The following SLC25A18 variants were observed in gnomAD, a reference collection of about 807,000 sequenced individuals.
SLC25A18 encodes the protein solute carrier family 25 member 18.
A neutral mutation model predicts 31.1 loss-of-function variants in SLC25A18; 24 were observed. That is an observed-to-expected ratio of 0.77 (90% CI 0.56 to 1.08). The LOEUF (loss-of-function observed/expected upper bound fraction) is 1.08. Among genes scored for constraint, SLC25A18 ranks in the 50% least tolerant of loss-of-function variants. SLC25A18 has a pLI of 0.00. For synonymous variants in SLC25A18, 173 were observed against 161.9 expected (o/e 1.07, Z -0.52); for missense variants, 371 against 418.5 (o/e 0.89, Z 0.99).
At chr22:17,568,136 G>A (rs1338789915) in intron 1 of SLC25A18, among the ~76,000 whole-genome samples, 2 of 151,846 alleles carry the variant, frequency 1.3e-5, no homozygotes, top group Admixed American at 6.6e-5. Context: ...AGGCTGAGGC[G>A]GGCGGATCAC....
At chr22:17,577,062 A>C (rs376755944) in intron 2 of SLC25A18, among the ~76,000 whole-genome samples, 1 of 147,578 alleles carries the variant, frequency 6.8e-6, no homozygotes, top group Non-Finnish European at 1.5e-5. Context: ...TCACTGTGTC[A>C]CCCAGGCTGG....
In SLC25A18 at chr22:17,563,599, C is replaced by CGG; in HGVS notation, c.-376_-375dup. 2.3e-6 allele frequency: 2 copies of CGG among 882,088 alleles called. No homozygotes were observed. The highest frequency in any genetic ancestry group is 2.7e-6 in the Non-Finnish European group (2 of 735,554). 54.6% of individuals were successfully genotyped at this position (882,088 alleles called of 1,614,324 possible). A position where few individuals can be genotyped will look rare whatever the true frequency, so the allele number is the denominator to read the frequency against. On this transcript the variant is annotated 5_prime_UTR_variant, in exon 1 of 11. An upstream open reading frame in the 5' UTR loses its in-frame stop. Coordinates refer to ENST00000327451, the MANE Select transcript of SLC25A18 (RefSeq NM_031481.3). Reference sequence around the variant, plus strand: ...GAAGCCAGTTCCTTGGATATATCCACGGGCTTTGCTTTGAGAAGGAACTGA... The same window carrying CGG: ...GAAGCCAGTTCCTTGGATATATCCACGGGGGCTTTGCTTTGAGAAGGAACTGA...
rs190960342 is a variant in SLC25A18, at chr22:17,571,566, C to T, written c.-201+1580C>T. Among the ~76,000 whole-genome samples, 179 of 152,026 alleles carry T rather than the reference C, an allele frequency of 1.2e-3. 1 individual carries two copies. The highest frequency in any genetic ancestry group is 1.9e-3 in the South Asian group (9 of 4,810). On this transcript the variant is annotated intron_variant, in intron 2 of 10. Transcript: ENST00000327451. Reference sequence around the variant, plus strand: ...ATGTGGGCAGATCACTTGAGGCTGACGAGTTCAAGACCAGCCTGGACAACA... The same window carrying T: ...ATGTGGGCAGATCACTTGAGGCTGATGAGTTCAAGACCAGCCTGGACAACA...
Position 17,590,302 on chromosome 22 carries a change from G to A in SLC25A18, c.*66G>A. The stretch of plus-strand genomic sequence containing the variant: ...TCTAGCTGTTTCACTTAGCCTAGAG[G>A]GGGCAAGGGCAGGTGGGGCCACTCT... On this transcript the variant is annotated 3_prime_UTR_variant, in exon 11 of 11. Transcript: ENST00000327451. 6.2e-7 allele frequency: 1 copy of A among 1,603,254 alleles called. No homozygotes were observed. Among genetic ancestry groups the A allele is most frequent in the Non-Finnish European group, 8.5e-7 (1 of 1,173,300 alleles).
At chr22:17,570,619 G>A (rs1222762761) in intron 2 of SLC25A18, among the ~76,000 whole-genome samples, 1 of 152,152 alleles carries the variant, frequency 6.6e-6, no homozygotes, top group Non-Finnish European at 1.5e-5. Flanking sequence ...CGAGTAGCTG[G>A]GACTACAGGT....
At chr22:17,572,344 G>A (rs938771455) in intron 2 of SLC25A18, among the ~76,000 whole-genome samples, 1 of 151,518 alleles carries the variant, frequency 6.6e-6, no homozygotes, top group Non-Finnish European at 1.5e-5. Flanking sequence ...ATATAGGTGG[G>A]CATGCTGGCG....
intron 3 of SLC25A18, chr22:17,580,394 C>A: frequency 2.7e-6 from 1 of 365,374 alleles, no homozygotes; most frequent in Non-Finnish European, 3.8e-6. Flanking sequence ...TTTCTATTTC[C>A]CGTCTTCCAA....
intron 2 of SLC25A18, among the ~76,000 whole-genome samples, chr22:17,577,612 G>C (rs1349322373): frequency 7.6e-6 from 1 of 132,054 alleles, no homozygotes; most frequent in African/African-American, 2.9e-5. Flanking sequence ...ATGGAGGCTC[G>C]CTGTGTCACC....
intron 1 of SLC25A18, among the ~76,000 whole-genome samples, chr22:17,565,515 A>G (rs766010974): frequency 1.3e-4 from 20 of 152,204 alleles, no homozygotes; most frequent in Non-Finnish European, 2.6e-4. Flanking sequence ...CTAGAACTAC[A>G]GACACACACC....
Position 17,577,243 on chromosome 22 carries a change from C to T in SLC25A18, c.-200-2502C>T, listed in dbSNP as rs374329059. On this transcript the variant is annotated intron_variant, in intron 2 of 10. Coordinates refer to ENST00000327451, the MANE Select transcript of SLC25A18 (RefSeq NM_031481.3). ...TTCACCATGTTAGCCAGGATGGTCT[C>T]GATCTCCTGGCCCTGTGATCCGCCC... Among the ~76,000 whole-genome samples, 12 of 152,132 alleles carry T rather than the reference C, an allele frequency of 7.9e-5. No individual in the cohort carries two copies. In the South Asian group the frequency reaches 1.2e-3, roughly 16 times the overall value.
In SLC25A18 at chr22:17,579,882, C is replaced by T. The variant is rs2057326831; in HGVS notation, c.-63C>T. ...GCTTCCACTTCTTCCCCCAGACAGC[C>T]CCAACAGCGGCTACCCCAAGGAGCC... is the stretch of plus-strand genomic sequence containing the variant. On this transcript the variant is annotated 5_prime_UTR_variant, in exon 3 of 11. Transcript: ENST00000327451. 1 of 1,580,620 alleles carries T rather than the reference C, an allele frequency of 6.3e-7. No individual in the cohort carries two copies. Among genetic ancestry groups the T allele is most frequent in the Non-Finnish European group, 8.6e-7 (1 of 1,163,126 alleles).
At chr22:17,565,723 C>T (rs546887375) in intron 1 of SLC25A18, among the ~76,000 whole-genome samples, 18 of 152,084 alleles carry the variant, frequency 1.2e-4, no homozygotes, top group Non-Finnish European at 1.5e-4. Flanking sequence ...CAAAATTAGC[C>T]GGGCATGATG....
At chr22:17,568,398 GGAA>G (rs1286790864) in intron 1 of SLC25A18, among the ~76,000 whole-genome samples, 6 of 149,768 alleles carry the variant, frequency 4.0e-5, no homozygotes, top group Non-Finnish European at 8.9e-5. Context: ...TGAGAATAAA[GGAA>G]GGAGGAAGGA....
chr22:17,590,439 C>A lies in SLC25A18; in HGVS notation c.*203C>A, dbSNP rs1181962233. ...CCCCTTCGTGTCTACACTCGTTTTC[C>A]TTTGTGGGCACAGCTACCAGGGGCT... On this transcript the variant is annotated 3_prime_UTR_variant, in exon 11 of 11. Coordinates refer to ENST00000327451, the MANE Select transcript of SLC25A18 (RefSeq NM_031481.3). 3.6e-6 allele frequency: 2 copies of A among 561,910 alleles called. No individual in the cohort carries two copies. The highest frequency in any genetic ancestry group is 6.5e-5 in the Admixed American group (2 of 30,584). The allele number at this position is 561,910 out of a possible 1,614,324, so 34.8% of individuals were successfully genotyped here.
intron 9 of SLC25A18, chr22:17,588,759 C>G (rs1014662268): frequency 6.6e-6 from 1 of 152,128 alleles, no homozygotes; most frequent in Non-Finnish European, 1.5e-5. Flanking sequence ...CCTAAACTTG[C>G]GGGTAGACTT....
chr22:17,569,070 G>T (rs903870028), intron 1 of SLC25A18, among the ~76,000 whole-genome samples: 1 of 150,440 alleles, frequency 6.6e-6, no homozygotes, highest in African/African-American at 2.4e-5. Context: ...GGGCAGTGGC[G>T]CGATCCCAGG....
At position 17,587,790 on chromosome 22, in the gene SLC25A18, G is replaced by T. The variant is rs187917982; in HGVS notation, c.576-135G>T. On this transcript the variant is annotated intron_variant, in intron 8 of 10. Transcript: ENST00000327451. ...GCTGTCCCTCACCCACGCTCACGGGGCACAAAAGAAGGGATGAGTCCCCGT... is the reference window on the plus strand; with the variant it reads ...GCTGTCCCTCACCCACGCTCACGGGTCACAAAAGAAGGGATGAGTCCCCGT... The T allele has an allele frequency of 2.5e-5, 27 of 1,074,316 alleles. No homozygotes were observed. In the East Asian group the frequency reaches 4.1e-4, roughly 16 times the overall value. The allele number at this position is 1,074,316 out of a possible 1,614,324, so 66.5% of individuals were successfully genotyped here.
chr22:17,577,868 G>A (rs1277237298), intron 2 of SLC25A18, among the ~76,000 whole-genome samples: 1 of 151,382 alleles, frequency 6.6e-6, no homozygotes, highest in African/African-American at 2.4e-5. Context: ...GTAGAGACGG[G>A]GTTTCACCAT....
rs536613090 is a variant in SLC25A18 at position 17,564,025 on chromosome 22, C to G, written c.-264+312C>G. On this transcript the variant is annotated intron_variant, in intron 1 of 10. Transcript: ENST00000327451. ...TCATCAGTTTGGGGACTGGCTTCAT[C>G]GCTTGTTCTGTCCAGCAGTCGCGTC... 6.6e-5 allele frequency among the ~76,000 whole-genome samples: 10 copies of G among 152,314 alleles called. No individual in the cohort carries two copies. The South Asian group carries it at 2.1e-3, about 32-fold the overall frequency.
Sources: allele counts gnomAD v4.1 joint callset (sites outside exome capture counted in the v4.1 genomes callset), GRCh38; gene constraint gnomAD v4.1.1; transcripts MANE v1.5; gene names NCBI Gene and HGNC (gene_info 2026-07-23, HGNC 2026-07-21).